Variants in ANKRD29 observed in about 807,000 individuals in gnomAD.
ANKRD29 encodes the protein ankyrin repeat domain 29.
Under a neutral mutation model 38.0 loss-of-function variants are expected in ANKRD29, and 32 were observed. That is an observed-to-expected ratio of 0.84 (90% CI 0.64 to 1.13). The LOEUF (loss-of-function observed/expected upper bound fraction) is 1.13. Ranked by LOEUF, ANKRD29 falls within the 50% of genes most tolerant of loss-of-function variation. The pLI is 0.00. For missense variants in ANKRD29, 357 were observed against 377.9 expected (o/e 0.94, Z 0.46); for synonymous variants, 135 against 152.4 (o/e 0.89, Z 0.84).
intron 9 of ANKRD29, among the ~76,000 whole-genome samples, chr18:23,606,324 G>A (rs935448782): frequency 6.6e-6 from 1 of 152,084 alleles, no homozygotes; most frequent in African/African-American, 2.4e-5. Context: ...CTTGCTGTAT[G>A]GCCCATGCTG....
At chr18:23,658,876 C>T (rs1340831857) in intron 1 of ANKRD29, among the ~76,000 whole-genome samples, 1 of 152,166 alleles carries the variant, frequency 6.6e-6, no homozygotes, top group Non-Finnish European at 1.5e-5. Flanking sequence ...AGGAAAAGTG[C>T]CCTCACCAGC....
intron 1 of ANKRD29, among the ~76,000 whole-genome samples, chr18:23,653,711 T>C (rs1415116038): frequency 6.6e-6 from 1 of 150,386 alleles, no homozygotes; most frequent in Non-Finnish European, 1.5e-5. Flanking sequence ...ACTGCAACCA[T>C]GCCTGACACT....
intron 9 of ANKRD29, among the ~76,000 whole-genome samples, chr18:23,607,918 C>G (rs1420281745): frequency 6.6e-6 from 1 of 152,162 alleles, no homozygotes; most frequent in Non-Finnish European, 1.5e-5. Flanking sequence ...TGAGGAATGG[C>G]TATAGTGTGA....
chr18:23,631,739 T>C (rs188524455), intron 5 of ANKRD29, among the ~76,000 whole-genome samples: 1 of 152,326 alleles, frequency 6.6e-6, no homozygotes, highest in African/African-American at 2.4e-5. Context: ...CCTTTTCCAG[T>C]GCTCTTTAGT....
At chr18:23,602,778 C>G (rs1209567706) in intron 9 of ANKRD29, among the ~76,000 whole-genome samples, 1 of 126,920 alleles carries the variant, frequency 7.9e-6, no homozygotes, top group Non-Finnish European at 1.7e-5. Context: ...AAAATATTTT[C>G]AAAAAGAAAA....
At chr18:23,648,892 C>T in intron 2 of ANKRD29, 191 bp downstream of exon 2, 2 of 509,152 alleles carry the variant, frequency 3.9e-6, no homozygotes, top group South Asian at 3.6e-5. Flanking sequence ...TCATTGTTTC[C>T]TTTTCTTTCT....
At chr18:23,627,070 G>A (rs968709995) in intron 6 of ANKRD29, among the ~76,000 whole-genome samples, 2 of 152,180 alleles carry the variant, frequency 1.3e-5, no homozygotes, top group African/African-American at 4.8e-5. Flanking sequence ...GCCATGTGCA[G>A]GCATGGCACT....
At chr18:23,662,452 C>T (rs902764551) in intron 1 of ANKRD29, among the ~76,000 whole-genome samples, 1 of 152,184 alleles carries the variant, frequency 6.6e-6, no homozygotes, top group African/African-American at 2.4e-5. Flanking sequence ...CGTCGCCGGG[C>T]ACAGACTCAG....
In ANKRD29 at chr18:23,617,726, T is replaced by A. The variant is rs1349793826; in HGVS notation, c.723+6A>T. ...CAGATTAGTAAAATTTATCTTTAGG[T>A]CTTACCTTCAAAATACCAAGAGTGG... On this transcript the variant is annotated splice_donor_region_variant and intron_variant, in intron 8 of 9. Coordinates refer to ENST00000592179, the MANE Select transcript of ANKRD29 (RefSeq NM_173505.4). 1 of 1,610,466 alleles carries A rather than the reference T, an allele frequency of 6.2e-7. No individual in the cohort carries two copies. Among genetic ancestry groups the A allele is most frequent in the Non-Finnish European group, 8.5e-7 (1 of 1,176,808 alleles).
At chr18:23,614,674 A>G (rs1039725500) in intron 8 of ANKRD29, among the ~76,000 whole-genome samples, 8 of 151,898 alleles carry the variant, frequency 5.3e-5, no homozygotes, top group African/African-American at 1.7e-4. Context: ...TCTCCAAAAA[A>G]AAAAAAAAAA....
At chr18:23,634,239 G>T in intron 4 of ANKRD29, 90 bp from the exon 5 acceptor site, 1 of 821,612 alleles carries the variant, frequency 1.2e-6, no homozygotes, top group Non-Finnish European at 1.9e-6. Flanking sequence ...AATTTAGGAA[G>T]AGAGTTTTCC....
chr18:23,618,582 A>T (rs2059752962), intron 7 of ANKRD29: 2 of 152,176 alleles, frequency 1.3e-5, no homozygotes, highest in Non-Finnish European at 2.9e-5. Context: ...TCTGTCTCAG[A>T]AAAAAATAAA....
chr18:23,623,976 A>C (rs1026799739), intron 6 of ANKRD29, among the ~76,000 whole-genome samples: 1 of 152,042 alleles, frequency 6.6e-6, no homozygotes, highest in Non-Finnish European at 1.5e-5. Context: ...AACATATAAA[A>C]ATAATTTTGA....
chr18:23,659,455 C>T (rs2145743990), intron 1 of ANKRD29, among the ~76,000 whole-genome samples: 1 of 152,272 alleles, frequency 6.6e-6, no homozygotes, highest in East Asian at 1.9e-4. Flanking sequence ...CTATATTTAA[C>T]TTTTTGAGGC....
chr18:23,601,147 T>C lies in ANKRD29; in HGVS notation c.*79A>G, dbSNP rs2059506687. The C allele has an allele frequency of 1.5e-6, 2 of 1,349,212 alleles. No homozygotes were observed. 83.6% of individuals were successfully genotyped at this position (1,349,212 alleles called of 1,614,324 possible). On this transcript the variant is annotated 3_prime_UTR_variant, in exon 10 of 10. Coordinates refer to ENST00000592179, the MANE Select transcript of ANKRD29 (RefSeq NM_173505.4). ...CATCTTTTTTTTTCATAAAAGAATTTCCAACACTGCTTGAAATGCAATTTC... is the reference window on the plus strand; with the variant it reads ...CATCTTTTTTTTTCATAAAAGAATTCCCAACACTGCTTGAAATGCAATTTC...
At position 23,617,827 on chromosome 18, in the gene ANKRD29, C is replaced by A; in HGVS notation, c.628G>T (p.Asp210Tyr). 6.2e-7 allele frequency: 1 copy of A among 1,613,026 alleles called. No individual in the cohort carries two copies. The highest frequency in any genetic ancestry group is 8.5e-7 in the Non-Finnish European group (1 of 1,179,254). ...RGADRDAARNDGTTALLKAAN... is the reference protein window; with the variant it reads ...RGADRDAARNYGTTALLKAAN... ...GCTTTCAATAATGCTGTTGTGCCAT[C>A]CTTAACAGAAAGAGGAAAATAAAAG... The change falls in exon 8 of 10, where the codon GAT becomes TAT. Residue 210 changes from aspartate to tyrosine, a missense_variant and splice_region_variant. Asp to Tyr is a radical substitution (Grantham distance 160). Coordinates refer to ENST00000592179, the MANE Select transcript of ANKRD29 (RefSeq NM_173505.4).
intron 1 of ANKRD29, among the ~76,000 whole-genome samples, chr18:23,650,245 A>G (rs1269723019): frequency 6.6e-6 from 1 of 151,842 alleles, no homozygotes; most frequent in Non-Finnish European, 1.5e-5. Flanking sequence ...TCTCAGGCTC[A>G]AGCCATCCTC....
intron 1 of ANKRD29, among the ~76,000 whole-genome samples, chr18:23,661,287 G>A (rs2060356981): frequency 6.6e-6 from 1 of 152,180 alleles, no homozygotes; most frequent in Admixed American, 6.5e-5. Flanking sequence ...TCCTGGGATC[G>A]AGGAGAGTAT....
chr18:23,602,608 G>A (rs1351206728), intron 9 of ANKRD29, among the ~76,000 whole-genome samples: 1 of 151,976 alleles, frequency 6.6e-6, no homozygotes, highest in Non-Finnish European at 1.5e-5. Flanking sequence ...AACAAATTTT[G>A]TTTTTAACTT....
Sources: gnomAD v4.1 joint callset for allele counts (sites outside exome capture counted in the v4.1 genomes callset) on GRCh38, gnomAD v4.1.1 for gene constraint, MANE v1.5 for transcripts, NCBI Gene and HGNC (gene_info 2026-07-23, HGNC 2026-07-21) for gene names.